TRIM36: variants seen among roughly 807,000 people sequenced by gnomAD.
The protein encoded by TRIM36 is tripartite motif containing 36.
In TRIM36, 42 loss-of-function variants were observed where a neutral mutation model predicts 72.4. That is an observed-to-expected ratio of 0.58 (90% CI 0.45 to 0.75). The LOEUF (loss-of-function observed/expected upper bound fraction) is 0.75, where lower values mean the gene tolerates loss of function less well. Among genes scored for constraint, TRIM36 ranks in the 30% least tolerant of loss-of-function variants. The pLI is 0.00. For missense variants in TRIM36, 913 were observed against 857.1 expected (o/e 1.07, Z -0.81); for synonymous variants, 315 against 282.8 (o/e 1.11, Z -1.14).
intron 7 of TRIM36, 87 bp downstream of exon 7, chr5:115,136,913 T>C: frequency 2.2e-6 from 3 of 1,337,242 alleles, no homozygotes; most frequent in Non-Finnish European, 2.0e-6. Flanking sequence ...TGCTTTATAA[T>C]GTCAAATTTA....
intron 2 of TRIM36, among the ~76,000 whole-genome samples, chr5:115,163,112 C>G (rs1433190762): frequency 4.6e-5 from 7 of 152,040 alleles, no homozygotes; most frequent in African/African-American, 1.7e-4. Flanking sequence ...CACGCGTCAC[C>G]ACACCTAGCT....
intron 2 of TRIM36, among the ~76,000 whole-genome samples, chr5:115,157,499 G>A (rs1754238427): frequency 6.6e-6 from 1 of 152,064 alleles, no homozygotes; most frequent in South Asian, 2.1e-4. Flanking sequence ...GGTGGGCGGA[G>A]GTTCCAGTGA....
rs754838922 is a variant in TRIM36, at chr5:115,137,018, A to C, written c.1192T>G (p.Leu398Val). The C allele has an allele frequency of 2.3e-5, 36 of 1,598,764 alleles. No homozygotes were observed. Among genetic ancestry groups the C allele is most frequent in the Non-Finnish European group, 3.1e-5 (36 of 1,175,138 alleles). Residue 398 changes from leucine to valine, a missense_variant, in exon 7 of 10, where the codon TTA becomes GTA. Leu to Val is a conservative substitution (Grantham distance 32). Transcript: ENST00000513154. ...TSKQTELLGE[L>V]SFFSSGIDVP... The stretch of plus-strand genomic sequence containing the variant: ...GACTTACCACTAGAGAAAAAGGATA[A>C]TTCTCCAAGAAGTTCTGTTTGTTTA...
rs1031585056 is a variant in TRIM36 at position 115,130,876 on chromosome 5, G to C, written c.1512C>G (p.Leu504=). The change falls in exon 9 of 10, where the codon CTC becomes CTG. Residue 504 remains leucine (L), a synonymous_variant. Transcript: ENST00000513154. Reference sequence around the variant, plus strand: ...TATTATAGCCACATTTTTCATCAAAGAGGAAGCTGAAAACTAAATGGAGCT... The same window carrying C: ...TATTATAGCCACATTTTTCATCAAACAGGAAGCTGAAAACTAAATGGAGCT... The part of the protein sequence containing the change: ...HTPPAPVFSF[L]FDEKCGYNNE... 1 of 1,606,426 alleles carries C rather than the reference G, an allele frequency of 6.2e-7. No individual in the cohort carries two copies. Among genetic ancestry groups the C allele is most frequent in the Non-Finnish European group, 8.5e-7 (1 of 1,174,892 alleles).
intron 9 of TRIM36, 69 bp from the exon 10 acceptor site, chr5:115,126,926 G>C: frequency 1.4e-6 from 2 of 1,403,980 alleles, no homozygotes; most frequent in Non-Finnish European, 1.9e-6. Context: ...ATTTTCACAG[G>C]ATAATATACA....
chr5:115,152,785 G>T (rs1047643375), intron 2 of TRIM36, among the ~76,000 whole-genome samples: 3 of 152,118 alleles, frequency 2.0e-5, no homozygotes, highest in Admixed American at 6.5e-5. Flanking sequence ...TGAAGGAAAG[G>T]TAAGAGTCTT....
At chr5:115,141,885 A>T (rs941356262) in intron 4 of TRIM36, among the ~76,000 whole-genome samples, 1 of 152,212 alleles carries the variant, frequency 6.6e-6, no homozygotes, top group Non-Finnish European at 1.5e-5. Flanking sequence ...ATGAAAATAT[A>T]GTTTTATAAA....
At position 115,131,369 on chromosome 5, in the gene TRIM36, CTG is replaced by C. The variant is rs570830453; in HGVS notation, c.1499-482_1499-481del. On this transcript the variant is annotated intron_variant, in intron 8 of 9. Coordinates refer to ENST00000513154, the MANE Select transcript of TRIM36 (RefSeq NM_001300759.2). Reference sequence around the variant, plus strand: ...TGGCAGACATAAGAAACATGGGACACTGTAAAAAAACAAAAACAAAAACACAG... The same window carrying C: ...TGGCAGACATAAGAAACATGGGACACTAAAAAAACAAAAACAAAAACACAG... 1.7e-3 allele frequency among the ~76,000 whole-genome samples: 261 copies of C among 152,212 alleles called. 1 individual carries two copies. Among genetic ancestry groups the C allele is most frequent in the African/African-American group, 6.1e-3 (253 of 41,540 alleles).
intron 4 of TRIM36, among the ~76,000 whole-genome samples, chr5:115,143,541 G>C (rs568190900): frequency 2.0e-5 from 3 of 151,896 alleles, no homozygotes; most frequent in East Asian, 1.9e-4. Context: ...ACAGATGAGA[G>C]AATTAGTAGG....
chr5:115,134,059 A>G lies in TRIM36; in HGVS notation c.1299T>C (p.Ala433=). The change falls in exon 8 of 10, where the codon GCT becomes GCC. Residue 433 remains alanine, a synonymous_variant. Transcript: ENST00000513154. ...TCCGATATTCAAGAACATAGCTATC[A>G]GCTTTATCCTTTTCTGGATGGTGCC... ...INWHHPEKDK[A]DSYVLEYRKI... is the part of the protein sequence containing the mutation. 6.2e-7 allele frequency: 1 copy of G among 1,613,694 alleles called. No individual in the cohort carries two copies.
Position 115,150,749 on chromosome 5 carries a change from C to A in TRIM36, c.263-3355G>T, listed in dbSNP as rs79022108. On this transcript the variant is annotated intron_variant, in intron 2 of 9. Coordinates refer to ENST00000513154, the MANE Select transcript of TRIM36 (RefSeq NM_001300759.2). ...TGTGGAACTGGGAAAGGGAGATTGT[C>A]TGCCCCTGAACACACCTCCACTGGG... Among the ~76,000 whole-genome samples the A allele has an allele frequency of 3.4e-3, 516 of 152,330 alleles. 25 individuals are homozygous for A. In the East Asian group the frequency reaches 0.085, roughly 25 times the overall value.
At chr5:115,165,393 T>A (rs770725525) in intron 1 of TRIM36, among the ~76,000 whole-genome samples, 4 of 152,216 alleles carry the variant, frequency 2.6e-5, no homozygotes, top group Non-Finnish European at 4.4e-5. Context: ...TTTCTGTACA[T>A]CCTCTGAAAT....
upstream of TRIM36, chr5:115,169,969 G>C: frequency 8.5e-7 from 1 of 1,170,450 alleles, no homozygotes; most frequent in Non-Finnish European, 1.1e-6. Flanking sequence ...GACAGGGCGT[G>C]GCCTGGTCGT....
intron 9 of TRIM36, among the ~76,000 whole-genome samples, chr5:115,129,761 T>A (rs1417717363): frequency 6.6e-6 from 1 of 152,182 alleles, no homozygotes; most frequent in African/African-American, 2.4e-5. Context: ...ACCTTTATCA[T>A]AAAACAATAA....
At chr5:115,169,946 A>C, upstream of TRIM36, 1 of 1,228,124 alleles carries the variant, frequency 8.1e-7, no homozygotes, top group Non-Finnish European at 1.0e-6. Context: ...TGGGCGGGGC[A>C]CCGCGGGGCG....
Position 115,137,434 on chromosome 5 carries a change from T to C in TRIM36, c.1014A>G (p.Gly338=), listed in dbSNP as rs758109117. The change falls in exon 6 of 10, where the codon GGA becomes GGG. Residue 338 remains glycine (G), a synonymous_variant. Coordinates refer to ENST00000513154, the MANE Select transcript of TRIM36 (RefSeq NM_001300759.2). The part of the protein sequence containing the change: ...QGLLENNGLV[G]YAQEVLKETD... ...TCTCCTTTAGCACTTCTTGAGCATA[T>C]CCCACAAGTCCATTGTTCTCTAGAA... 5 of 1,614,020 alleles carry C rather than the reference T, an allele frequency of 3.1e-6. No homozygotes were observed. Among genetic ancestry groups the C allele is most frequent in the Non-Finnish European group, 4.2e-6 (5 of 1,180,018 alleles).
intron 1 of TRIM36, among the ~76,000 whole-genome samples, chr5:115,166,291 A>G (rs1048719946): frequency 6.6e-6 from 1 of 152,146 alleles, no homozygotes; most frequent in Admixed American, 6.5e-5. Flanking sequence ...TCCCCTCTGA[A>G]GCCCATAAAA....
In TRIM36 at chr5:115,133,939, A is replaced by G. The variant is rs1249185515; in HGVS notation, c.1419T>C (p.Ala473=). 5.0e-6 allele frequency: 8 copies of G among 1,613,530 alleles called. No homozygotes were observed. In the African/African-American group the frequency reaches 9.3e-5, roughly 19 times the overall value. ...AACCCTTGTAAGCTCTTACTCTGAAAGCATAGGTACTACTGTTTTCCAAGT... is the reference window on the plus strand; with the variant it reads ...AACCCTTGTAAGCTCTTACTCTGAAGGCATAGGTACTACTGTTTTCCAAGT... ...IQDLENSSTY[A]FRVRAYKGSI... is the part of the protein sequence containing the mutation. The change falls in exon 8 of 10, where the codon GCT becomes GCC. Residue 473 remains alanine (A), a synonymous_variant. Transcript: ENST00000513154.
At position 115,137,199 on chromosome 5, in the gene TRIM36, CAA is replaced by C. The variant is rs1753008899; in HGVS notation, c.1086-77_1086-76del. 2.0e-6 allele frequency: 3 copies of C among 1,488,044 alleles called. No homozygotes were observed. The South Asian group carries it at 4.1e-5, about 20-fold the overall frequency. The allele number at this position is 1,488,044 out of a possible 1,614,324, so 92.2% of individuals were successfully genotyped here. A position where few individuals can be genotyped will look rare whatever the true frequency, so the allele number is the denominator to read the frequency against. On this transcript the variant is annotated intron_variant, in intron 6 of 9. Transcript: ENST00000513154. ...GACTAAATATCTGCAACATGATTAACAAAATAAAACCCACACTTCACTCAAAA... is the reference window on the plus strand; with the variant it reads ...GACTAAATATCTGCAACATGATTAACAATAAAACCCACACTTCACTCAAAA...
Sources: allele counts gnomAD v4.1 joint callset (sites outside exome capture counted in the v4.1 genomes callset), GRCh38; gene constraint gnomAD v4.1.1; transcripts MANE v1.5; gene names NCBI Gene and HGNC (gene_info 2026-07-23, HGNC 2026-07-21).